CLINT1: variants seen among roughly 807,000 people sequenced by gnomAD.
CLINT1 encodes clathrin interactor 1, also known as clathrin interacting protein localized in the trans-Golgi region.
CLINT1 carries 15 observed loss-of-function variants against 70.4 expected under a neutral mutation model. That is an observed-to-expected ratio of 0.21 (90% CI 0.14 to 0.33). CLINT1 has a LOEUF of 0.33. Among genes scored for constraint, CLINT1 ranks in the 10% least tolerant of loss-of-function variants. The pLI is 1.00. For synonymous variants in CLINT1, 227 were observed against 254.7 expected (o/e 0.89, Z 1.04); for missense variants, 615 against 778.1 (o/e 0.79, Z 2.49).
At chr5:157,794,243 A>C (rs1029067605) in intron 9 of CLINT1, among the ~76,000 whole-genome samples, 4 of 152,132 alleles carry the variant, frequency 2.6e-5, no homozygotes, top group African/African-American at 9.7e-5. Flanking sequence ...GGCTTTCATA[A>C]AGTTAAACAG....
At chr5:157,849,717 T>C (rs748861890) in intron 1 of CLINT1, among the ~76,000 whole-genome samples, 1 of 152,214 alleles carries the variant, frequency 6.6e-6, no homozygotes, top group African/African-American at 2.4e-5. Context: ...CATAAGAAAA[T>C]TGAACATAAC....
At chr5:157,805,054 C>A (rs1762346137) in intron 7 of CLINT1, among the ~76,000 whole-genome samples, 2 of 152,110 alleles carry the variant, frequency 1.3e-5, no homozygotes, top group African/African-American at 4.8e-5. Flanking sequence ...TGATAAAAGT[C>A]TCTATTATTA....
chr5:157,792,949 C>T (rs56344822), intron 9 of CLINT1, among the ~76,000 whole-genome samples: 10,815 of 152,244 alleles, frequency 0.071, 560 homozygotes, highest in Non-Finnish European at 0.11. Context: ...CTTTGCATTC[C>T]ATGTTCATTT....
At chr5:157,827,061 C>T (rs926586921) in intron 1 of CLINT1, among the ~76,000 whole-genome samples, 1 of 152,114 alleles carries the variant, frequency 6.6e-6, no homozygotes, top group African/African-American at 2.4e-5. Context: ...TAACCAGACT[C>T]ACATCTAAAA....
At chr5:157,837,411 T>TACACACAC (rs112077491) in intron 1 of CLINT1, among the ~76,000 whole-genome samples, 8 of 147,672 alleles carry the variant, frequency 5.4e-5, no homozygotes, top group African/African-American at 1.7e-4. Context: ...TATATGTAAA[T>TACACACAC]ACACACACAC....
At chr5:157,829,288 G>A (rs1012946806) in intron 1 of CLINT1, among the ~76,000 whole-genome samples, 13 of 152,080 alleles carry the variant, frequency 8.5e-5, no homozygotes, top group South Asian at 2.1e-4. Context: ...ATTTCCAGCT[G>A]ATTTCTCTTA....
Position 157,789,463 on chromosome 5 carries a change from C to A in CLINT1, c.1431G>T (p.Trp477Cys). ...GGCTGATGTTTACACTGGGGTCAGACCAAGTAGAGGGCAAGGTTTTGCTGA... is the reference window on the plus strand; with the variant it reads ...GGCTGATGTTTACACTGGGGTCAGAACAAGTAGAGGGCAAGGTTTTGCTGA... ...KSVSKTLPSTWSDPSVNISLD... is the reference protein window; with the variant it reads ...KSVSKTLPSTCSDPSVNISLD... Residue 477 changes from tryptophan to cysteine, a missense_variant, in exon 11 of 12, where the codon TGG (tryptophan) becomes TGT (cysteine). Around this residue, in one of 2 missense-constraint regions of CLINT1, gnomAD observed 374 missense variants for 409.6 expected, o/e 0.91. Transcript: ENST00000411809. The A allele has an allele frequency of 6.2e-7, 1 of 1,613,828 alleles. No individual in the cohort carries two copies. The highest frequency in any genetic ancestry group is 8.5e-7 in the Non-Finnish European group (1 of 1,179,846).
intron 1 of CLINT1, among the ~76,000 whole-genome samples, chr5:157,833,208 C>T (rs1257866839): frequency 1.3e-5 from 2 of 151,890 alleles, no homozygotes; most frequent in South Asian, 2.1e-4. Flanking sequence ...AAAATTAGCC[C>T]GGCGTGGTGG....
chr5:157,800,236 C>T (rs1762169688), intron 8 of CLINT1, among the ~76,000 whole-genome samples: 1 of 152,032 alleles, frequency 6.6e-6, no homozygotes, highest in Non-Finnish European at 1.5e-5. Flanking sequence ...CATGTAATCA[C>T]ACACACACAA....
intron 1 of CLINT1, among the ~76,000 whole-genome samples, chr5:157,851,460 G>A (rs1355973893): frequency 6.6e-6 from 1 of 152,110 alleles, no homozygotes. Context: ...AGGCCACGGT[G>A]GGTAGATTGC....
At chr5:157,828,808 G>T (rs1484391944) in intron 1 of CLINT1, among the ~76,000 whole-genome samples, 4 of 151,712 alleles carry the variant, frequency 2.6e-5, no homozygotes, top group African/African-American at 9.7e-5. Flanking sequence ...ACTAAAAAGG[G>T]CCGGGCACGG....
intron 1 of CLINT1, among the ~76,000 whole-genome samples, chr5:157,823,256 T>C (rs1450531881): frequency 6.6e-6 from 1 of 152,126 alleles, no homozygotes; most frequent in Non-Finnish European, 1.5e-5. Flanking sequence ...TTAAATAATG[T>C]TTTTCTTTAT....
intron 8 of CLINT1, among the ~76,000 whole-genome samples, chr5:157,797,805 T>C (rs1419330248): frequency 1.3e-5 from 2 of 152,230 alleles, no homozygotes; most frequent in Admixed American, 1.3e-4. Flanking sequence ...ATACCCTGTA[T>C]TTAGTATTTC....
At chr5:157,854,362 C>T (rs908093453) in intron 1 of CLINT1, among the ~76,000 whole-genome samples, 1 of 152,094 alleles carries the variant, frequency 6.6e-6, no homozygotes, top group Non-Finnish European at 1.5e-5. Context: ...GGCAGGCAGA[C>T]TGCCTGAGCC....
chr5:157,830,311 T>C (rs1174909477), intron 1 of CLINT1, among the ~76,000 whole-genome samples: 1 of 152,214 alleles, frequency 6.6e-6, no homozygotes, highest in East Asian at 1.9e-4. Context: ...ATTCTTGTTT[T>C]TGGTATCTGT....
Position 157,834,116 on chromosome 5 carries a change from C to T in CLINT1, c.42-16569G>A, listed in dbSNP as rs1233730986. Among the ~76,000 whole-genome samples, 7 of 150,366 alleles carry T rather than the reference C, an allele frequency of 4.7e-5. No homozygotes were observed. The East Asian group carries it at 7.8e-4, about 17-fold the overall frequency. Reference sequence around the variant, plus strand: ...TAGCACTTTGGGAGGCCAAGGCAAGCGGATTGCCTAGGCAAGCGGATTGCC... The same window carrying T: ...TAGCACTTTGGGAGGCCAAGGCAAGTGGATTGCCTAGGCAAGCGGATTGCC... On this transcript the variant is annotated intron_variant, in intron 1 of 11. Transcript: ENST00000411809.
chr5:157,842,491 GAAGTT>G (rs1753221478), intron 1 of CLINT1, among the ~76,000 whole-genome samples: 1 of 152,188 alleles, frequency 6.6e-6, no homozygotes, highest in African/African-American at 2.4e-5. Context: ...GTTAATGACA[GAAGTT>G]AATAAACACT....
chr5:157,793,165 A>G (rs1761969727), intron 9 of CLINT1, among the ~76,000 whole-genome samples: 1 of 152,082 alleles, frequency 6.6e-6, no homozygotes, highest in Non-Finnish European at 1.5e-5. Context: ...TAATATAAAA[A>G]TTGGGCTAAT....
chr5:157,854,727 C>T (rs770676873), intron 1 of CLINT1, among the ~76,000 whole-genome samples: 3 of 152,106 alleles, frequency 2.0e-5, no homozygotes, highest in Non-Finnish European at 4.4e-5. Context: ...AGCAAATATA[C>T]ATCAATAAAA....
Sources: allele counts gnomAD v4.1 joint callset (sites outside exome capture counted in the v4.1 genomes callset), GRCh38; gene constraint gnomAD v4.1.1; regional missense constraint gnomAD v4.1.1; transcripts MANE v1.5; gene names NCBI Gene and HGNC (gene_info 2026-07-23, HGNC 2026-07-21).